The following NRG2 variants were observed in gnomAD, a reference collection of about 807,000 sequenced individuals.
NRG2 encodes pro-neuregulin-2, membrane-bound isoform.
Under a neutral mutation model 73.9 loss-of-function variants are expected in NRG2, and 27 were observed. The observed-to-expected ratio is 0.37, with a 90% CI of 0.27 to 0.50. NRG2 has a LOEUF of 0.50. Among genes scored for constraint, NRG2 ranks in the 20% least tolerant of loss-of-function variants. The pLI is 0.96. For synonymous variants in NRG2, 532 were observed against 541.0 expected (o/e 0.98, Z 0.23); for missense variants, 1,126 against 1,210.1 (o/e 0.93, Z 1.03).
intron 1 of NRG2, among the ~76,000 whole-genome samples, chr5:139,895,967 A>G (rs1292356361): frequency 6.6e-6 from 1 of 152,200 alleles, no homozygotes; most frequent in Non-Finnish European, 1.5e-5. Context: ...AGAAAGGGCC[A>G]AGAAGGGGAT....
At chr5:140,034,212 G>A (rs1033661360) in intron 1 of NRG2, among the ~76,000 whole-genome samples, 1 of 152,066 alleles carries the variant, frequency 6.6e-6, no homozygotes, top group Non-Finnish European at 1.5e-5. Context: ...CACCTGCCTT[G>A]GCCTGCCCAA....
intron 1 of NRG2, among the ~76,000 whole-genome samples, chr5:139,955,516 G>T (rs1219331915): frequency 1.3e-5 from 2 of 152,130 alleles, no homozygotes; most frequent in Non-Finnish European, 2.9e-5. Context: ...GGACACTGGG[G>T]CCCAGTCCTG....
chr5:139,849,484 C>T (rs1489847875), intron 9 of NRG2, among the ~76,000 whole-genome samples: 1 of 152,122 alleles, frequency 6.6e-6, no homozygotes. Flanking sequence ...CCACCAGCTC[C>T]TTCAGAAGTC....
At chr5:139,884,369 C>T (rs1191120016) in intron 2 of NRG2, among the ~76,000 whole-genome samples, 1 of 152,128 alleles carries the variant, frequency 6.6e-6, no homozygotes, top group African/African-American at 2.4e-5. Context: ...ACAGCCTGGG[C>T]CCAAGTCCAG....
Position 139,856,790 on chromosome 5 carries a change from G to A in NRG2, c.1190-1012C>T, listed in dbSNP as rs1157145310. 1.3e-5 allele frequency among the ~76,000 whole-genome samples: 2 copies of A among 151,984 alleles called. No individual in the cohort carries two copies. The highest frequency in any genetic ancestry group is 2.1e-4 in the South Asian group (1 of 4,820). ...TTCACAGGCAGACCCCTTCATTCAC[G>A]CACACACACCTGCACACACAACATA... On this transcript the variant is annotated intron_variant, in intron 5 of 9. Coordinates refer to ENST00000361474, the MANE Select transcript of NRG2 (RefSeq NM_004883.3). The surrounding 1 kb of genome is among the most constrained non-coding windows in gnomAD (Gnocchi z 4.2).
chr5:140,006,068 G>T (rs1204853195), intron 1 of NRG2, among the ~76,000 whole-genome samples: 1 of 152,102 alleles, frequency 6.6e-6, no homozygotes, highest in African/African-American at 2.4e-5. Context: ...CCATTCCTGG[G>T]GCAAAAGAAA....
At position 139,935,683 on chromosome 5, in the gene NRG2, G is replaced by A. The variant is rs146139098; in HGVS notation, c.701-48172C>T. ...TTGAATCAAATGAAAATAAAGGCTG[G>A]GTGTGGTGGTTCATGTCTGTAATCC... is the stretch of plus-strand genomic sequence containing the variant. On this transcript the variant is annotated intron_variant, in intron 1 of 9. Coordinates refer to ENST00000361474, the MANE Select transcript of NRG2 (RefSeq NM_004883.3). Among the ~76,000 whole-genome samples, 522 of 152,176 alleles carry A rather than the reference G, an allele frequency of 3.4e-3. 4 individuals carry two copies. The highest frequency in any genetic ancestry group is 0.012 in the African/African-American group (491 of 41,508).
intron 1 of NRG2, among the ~76,000 whole-genome samples, chr5:139,908,890 A>C (rs1765417683): frequency 1.3e-5 from 2 of 152,204 alleles, no homozygotes; most frequent in African/African-American, 2.4e-5. Flanking sequence ...AAGGTTTCTC[A>C]GGGGAGGGAG....
chr5:140,036,380 T>C (rs956320429), intron 1 of NRG2, among the ~76,000 whole-genome samples: 1 of 152,250 alleles, frequency 6.6e-6, no homozygotes, highest in Non-Finnish European at 1.5e-5. Context: ...TGTCCTTTCA[T>C]GTCATCCTAA....
At chr5:139,957,347 G>C (rs1754712641) in intron 1 of NRG2, among the ~76,000 whole-genome samples, 1 of 143,788 alleles carries the variant, frequency 7.0e-6, no homozygotes, top group Non-Finnish European at 1.5e-5. Flanking sequence ...GTGTGTGTGT[G>C]TGTGTGCACA....
chr5:139,914,579 A>C (rs1751106967), intron 1 of NRG2, among the ~76,000 whole-genome samples: 1 of 152,078 alleles, frequency 6.6e-6, no homozygotes, highest in African/African-American at 2.4e-5. Context: ...CTCCATTCTC[A>C]ACCTCTCTCA....
chr5:140,006,947 A>G (rs1270238825), intron 1 of NRG2, among the ~76,000 whole-genome samples: 1 of 152,218 alleles, frequency 6.6e-6, no homozygotes, highest in Admixed American at 6.5e-5. Flanking sequence ...GGTTCTCAAA[A>G]GCCTAGTTCA....
chr5:139,852,985 C>T lies in NRG2; in HGVS notation c.1335G>A (p.Met445Ile), dbSNP rs959332423. Residue 445 changes from methionine (M) to isoleucine (I), a missense_variant, in exon 7 of 10, where the codon ATG becomes ATA. Physicochemically the swap from Met to Ile is conservative, Grantham distance 10. Around this residue, in one of 3 missense-constraint regions of NRG2, gnomAD observed 539 missense variants for 703.2 expected, o/e 0.77. Coordinates refer to ENST00000361474, the MANE Select transcript of NRG2 (RefSeq NM_004883.3). This position sits in a 1 kb window ranked among gnomAD's most constrained non-coding sequence, Gnocchi z 4.4. The stretch of plus-strand genomic sequence containing the variant: ...AGCTCCGGTTCTGATGGGCCGGGCA[C>T]ATGTTCTGCCGGAGGTGGTTGTGCA... Reference protein sequence around the residue: ...KQMHNHLRQNMCPAHQNRSLA... With the variant: ...KQMHNHLRQNICPAHQNRSLA... 8 of 1,613,404 alleles carry T rather than the reference C, an allele frequency of 5.0e-6. No homozygotes were observed. Among genetic ancestry groups the T allele is most frequent in the Non-Finnish European group, 3.4e-6 (4 of 1,179,806 alleles).
intron 1 of NRG2, among the ~76,000 whole-genome samples, chr5:140,033,095 C>T (rs1009191701): frequency 6.6e-4 from 101 of 152,262 alleles, no homozygotes; most frequent in African/African-American, 2.3e-3. Context: ...AAAATGTCAC[C>T]TGTTACATGA....
chr5:139,888,235 G>A (rs186503591), intron 1 of NRG2, among the ~76,000 whole-genome samples: 10 of 152,260 alleles, frequency 6.6e-5, no homozygotes, highest in Admixed American at 1.3e-4. Flanking sequence ...GTCCCTTACA[G>A]GATACACAAA....
chr5:139,851,727 G>C lies in NRG2; in HGVS notation c.1649C>G (p.Pro550Arg). ...CCTTGCCCGGGCCTCCACACATGCT[G>C]GGCTGTTGCATTTGCTGGTACCCAC... is the stretch of plus-strand genomic sequence containing the variant. Reference protein sequence around the residue: ...SSVGTSKCNSPACVEARARRA... With the variant: ...SSVGTSKCNSRACVEARARRA... The change falls in exon 9 of 10, where the codon CCA becomes CGA. Residue 550 changes from proline (P) to arginine (R), a missense_variant. By Grantham distance (103) the Pro-to-Arg change is moderately radical. Coordinates refer to ENST00000361474, the MANE Select transcript of NRG2 (RefSeq NM_004883.3). The surrounding 1 kb of genome is among the most constrained non-coding windows in gnomAD (Gnocchi z 4.2). The C allele has an allele frequency of 6.2e-7, 1 of 1,614,234 alleles. No homozygotes were observed. Among genetic ancestry groups the C allele is most frequent in the Non-Finnish European group, 8.5e-7 (1 of 1,180,042 alleles).
chr5:139,900,993 G>A (rs1764850314), intron 1 of NRG2, among the ~76,000 whole-genome samples: 1 of 152,226 alleles, frequency 6.6e-6, no homozygotes, highest in South Asian at 2.1e-4. Flanking sequence ...CTCCACCTAG[G>A]AGAAGGAATG....
At chr5:139,858,321 G>A (rs1452639999) in intron 5 of NRG2, among the ~76,000 whole-genome samples, 5 of 151,956 alleles carry the variant, frequency 3.3e-5, no homozygotes, top group African/African-American at 1.2e-4. Context: ...ACTCCCCCCT[G>A]GTTGTTTGCA....
rs1427608658 is a variant in NRG2, at chr5:139,847,713, C to T, written c.*204G>A. ...TCAGGATGTTACATATAAATAGTTT[C>T]CCTATAAAAACGCCTTTGCCGTTAG... On this transcript the variant is annotated 3_prime_UTR_variant, in exon 10 of 10. Transcript: ENST00000361474. 3 of 375,734 alleles carry T rather than the reference C, an allele frequency of 8.0e-6. No individual in the cohort carries two copies. Among genetic ancestry groups the T allele is most frequent in the Non-Finnish European group, 1.4e-5 (3 of 214,036 alleles). The allele number at this position is 375,734 out of a possible 1,614,324, so 23.3% of individuals were successfully genotyped here.
Sources: gnomAD v4.1 joint callset for allele counts (sites outside exome capture counted in the v4.1 genomes callset) on GRCh38, gnomAD v4.1.1 for gene constraint, gnomAD v4.1.1 regional missense constraint, Gnocchi (gnomAD v3.1) non-coding constraint, MANE v1.5 for transcripts, NCBI Gene and HGNC (gene_info 2026-07-23, HGNC 2026-07-21) for gene names.